STK31: variants seen among roughly 807,000 people sequenced by gnomAD.
STK31 encodes serine/threonine kinase 31, also known as serine/threonine-protein kinase 31.
A neutral mutation model predicts 129.7 loss-of-function variants in STK31; 89 were observed. That is an observed-to-expected ratio of 0.69 (90% CI 0.58 to 0.82). STK31 has a LOEUF of 0.82. Ranked by LOEUF, STK31 falls within the 40% of genes least tolerant of loss-of-function variation. The probability of loss-of-function intolerance (pLI) is 0.00; values close to 1 mark genes in which losing one functional copy is unlikely to be tolerated. For synonymous variants in STK31, 448 were observed against 395.3 expected, an observed-to-expected ratio of 1.13 and a Z score of -1.58; for missense variants, 1,187 against 1,176.4, an observed-to-expected ratio of 1.01 and a Z score of -0.13.
chr7:23,738,712 T>C (rs919719372), intron 8 of STK31, among the ~76,000 whole-genome samples: 6 of 152,128 alleles, frequency 3.9e-5, no homozygotes, highest in Non-Finnish European at 7.4e-5. Flanking sequence ...CCCGCCGCCA[T>C]GTCTGGCTAA....
chr7:23,753,787 G>A (rs896196779), intron 9 of STK31, among the ~76,000 whole-genome samples: 1 of 152,096 alleles, frequency 6.6e-6, no homozygotes. Context: ...TGTGTGTATA[G>A]GACACGTATA....
At chr7:23,783,705 T>C in intron 17 of STK31, 42 bp downstream of exon 17, 1 of 1,441,544 alleles carries the variant, frequency 6.9e-7, no homozygotes, top group South Asian at 1.2e-5. Flanking sequence ...CTTCAGAGGG[T>C]GTTGAAAAGT....
intron 4 of STK31, among the ~76,000 whole-genome samples, chr7:23,724,129 A>G (rs1169869058): frequency 6.6e-6 from 1 of 152,256 alleles, no homozygotes; most frequent in Non-Finnish European, 1.5e-5. Context: ...TACCAGGTGC[A>G]GGGCTCTAAA....
At chr7:23,746,898 A>T (rs1303926277) in intron 8 of STK31, among the ~76,000 whole-genome samples, 1 of 152,044 alleles carries the variant, frequency 6.6e-6, no homozygotes, top group Non-Finnish European at 1.5e-5. Context: ...AAATTATTTT[A>T]AAATAAATTA....
intron 8 of STK31, among the ~76,000 whole-genome samples, chr7:23,752,137 T>C (rs954387578): frequency 8.5e-5 from 13 of 152,164 alleles, no homozygotes; most frequent in Non-Finnish European, 1.8e-4. Context: ...TTTTATGTTA[T>C]GTATATTTTA....
intron 15 of STK31, among the ~76,000 whole-genome samples, chr7:23,774,047 T>C (rs1339244712): frequency 6.6e-6 from 1 of 152,026 alleles, no homozygotes; most frequent in Non-Finnish European, 1.5e-5. Context: ...TTTTCTGTCC[T>C]TGTGATAGTT....
intron 15 of STK31, among the ~76,000 whole-genome samples, 154 bp downstream of exon 15, chr7:23,772,432 A>G (rs1440235146): frequency 6.6e-6 from 1 of 152,174 alleles, no homozygotes; most frequent in Non-Finnish European, 1.5e-5. Context: ...TTCTGTGTAT[A>G]TAAATAAAAT....
At chr7:23,810,946 C>T (rs1179421574) in intron 22 of STK31, among the ~76,000 whole-genome samples, 1 of 144,432 alleles carries the variant, frequency 6.9e-6, no homozygotes, top group African/African-American at 2.6e-5. Context: ...TATATACACA[C>T]ACACACACAC....
intron 8 of STK31, among the ~76,000 whole-genome samples, chr7:23,750,754 C>A (rs531476746): frequency 1.1e-4 from 16 of 152,138 alleles, no homozygotes; most frequent in Middle Eastern, 6.8e-3. Flanking sequence ...TTTCTTGGTA[C>A]ATAGTATTTG....
chr7:23,765,510 T>C (rs2128100887), intron 11 of STK31, among the ~76,000 whole-genome samples: 1 of 152,076 alleles, frequency 6.6e-6, no homozygotes. Flanking sequence ...CTTATTTCTG[T>C]TTATCATCGT....
At chr7:23,767,218 T>G (rs1298789561) in intron 11 of STK31, among the ~76,000 whole-genome samples, 1 of 152,208 alleles carries the variant, frequency 6.6e-6, no homozygotes, top group African/African-American at 2.4e-5. Flanking sequence ...GCTTAGTTTT[T>G]TATACTTCTT....
chr7:23,750,638 A>G (rs1394410738), intron 8 of STK31, among the ~76,000 whole-genome samples: 1 of 152,234 alleles, frequency 6.6e-6, no homozygotes, highest in Non-Finnish European at 1.5e-5. Context: ...AGTGAAGCAT[A>G]TTTACAACAT....
At chr7:23,809,836 A>G (rs116645854) in intron 22 of STK31, among the ~76,000 whole-genome samples, 8,518 of 72,670 alleles carry the variant, frequency 0.12, 319 homozygotes, top group South Asian at 0.16. Flanking sequence ...GCGGTAGGCT[A>G]CATGTATAGC....
In STK31 at chr7:23,788,038, A is replaced by G. The variant is rs368497494; in HGVS notation, c.2546A>G (p.Asp849Gly). The G allele has an allele frequency of 2.4e-5, 39 of 1,612,088 alleles. 1 individual carries two copies. The highest frequency in any genetic ancestry group is 1.6e-4 in the Middle Eastern group (1 of 6,074). ...AQGLHTLHKA[D>G]IIHGSLHQNN... ...GGTCTGCATACATTGCATAAGGCTG[A>G]CATAATTCATGGATCACTTCATCAG... is the stretch of plus-strand genomic sequence containing the variant. Residue 849 changes from aspartate (D) to glycine (G), a missense_variant, in exon 21 of 24, where the codon GAC becomes GGC. Asp to Gly is a moderately conservative substitution (Grantham distance 94, BLOSUM62 -1). Transcript: ENST00000355870.
At chr7:23,750,739 A>T (rs1297393865) in intron 8 of STK31, among the ~76,000 whole-genome samples, 1 of 151,752 alleles carries the variant, frequency 6.6e-6, no homozygotes, top group East Asian at 1.9e-4. Flanking sequence ...TATACATTTT[A>T]TTTTTTTCTT....
At chr7:23,803,911 G>T (rs77731788) in intron 22 of STK31, among the ~76,000 whole-genome samples, 1 of 152,084 alleles carries the variant, frequency 6.6e-6, no homozygotes, top group East Asian at 1.9e-4. Flanking sequence ...ATATTTTTAG[G>T]TTATTATGGA....
chr7:23,718,515 T>G (rs1786490647), intron 4 of STK31, among the ~76,000 whole-genome samples: 1 of 152,156 alleles, frequency 6.6e-6, no homozygotes, highest in Non-Finnish European at 1.5e-5. Context: ...AGTCAGTAGT[T>G]TCTCCATCAG....
chr7:23,798,187 A>G (rs1430228564), intron 22 of STK31, among the ~76,000 whole-genome samples: 1 of 152,208 alleles, frequency 6.6e-6, no homozygotes, highest in Non-Finnish European at 1.5e-5. Context: ...AGGAGCTAGT[A>G]CCATTCTTTC....
intron 22 of STK31, among the ~76,000 whole-genome samples, chr7:23,814,240 C>CT (rs1271266793): frequency 7.2e-6 from 1 of 138,910 alleles, no homozygotes; most frequent in Non-Finnish European, 1.5e-5. Context: ...GTTTTTCTTC[C>CT]TTTTTTAAAC....
Sources: gnomAD v4.1 joint callset for allele counts (sites outside exome capture counted in the v4.1 genomes callset) on GRCh38, gnomAD v4.1.1 for gene constraint, MANE v1.5 for transcripts, NCBI Gene and HGNC (gene_info 2026-07-23, HGNC 2026-07-21) for gene names.